LY6G6C: variants seen among roughly 807,000 people sequenced by gnomAD.
LY6G6C encodes lymphocyte antigen 6 family member G6C.
A neutral mutation model predicts 12.8 loss-of-function variants in LY6G6C; 12 were observed. The observed-to-expected ratio is 0.94, with a 90% CI of 0.60 to 1.52. The LOEUF is 1.52. LY6G6C is among the 40% of genes most tolerant of loss of function. LY6G6C has a pLI of 0.00. For missense variants in LY6G6C, 125 were observed against 155.8 expected (o/e 0.80, Z 1.05); for synonymous variants, 42 against 61.6 (o/e 0.68, Z 1.49).
Position 31,718,850 on chromosome 6 carries a change from A to G in LY6G6C, c.*246T>C. Reference sequence around the variant, plus strand: ...CAAGTAGGGGACAGCAGAGTATAGGAAGCAAAGTGGGGAGCCCTTCTAGGA... The same window carrying G: ...CAAGTAGGGGACAGCAGAGTATAGGGAGCAAAGTGGGGAGCCCTTCTAGGA... On this transcript the variant is annotated 3_prime_UTR_variant, in exon 3 of 3. Transcript: ENST00000375819. 1.7e-6 allele frequency: 1 copy of G among 571,518 alleles called. No homozygotes were observed. The highest frequency in any genetic ancestry group is 4.6e-4 in the Middle Eastern group (1 of 2,170). 35.4% of individuals were successfully genotyped at this position (571,518 alleles called of 1,614,324 possible).
rs151314696 is a variant in LY6G6C, at chr6:31,719,303, C to T, written c.171G>A (p.Met57Ile). The T allele has an allele frequency of 2.8e-4, 459 of 1,614,166 alleles. 1 individual carries two copies. Among genetic ancestry groups the T allele is most frequent in the Admixed American group, 8.8e-4 (53 of 60,028 alleles). Residue 57 changes from methionine (M) to isoleucine (I), a missense_variant, in exon 3 of 3, where the codon ATG (methionine) becomes ATA (isoleucine). Met to Ile is a conservative substitution (Grantham distance 10). Transcript: ENST00000375819. The stretch of plus-strand genomic sequence containing the variant: ...CACAGCGCAGATTGGAGAAAACCCA[C>T]ATCTTACCTAGGGGTGGGAATGGGC... ...CLTTHAYLGK[M>I]WVFSNLRCGT...
rs572536947 is a variant in LY6G6C, at chr6:31,720,149, C to G, written c.107G>C (p.Arg36Pro). ...TCCTGGCTCCAGGCGGCAGGACTGC[C>G]GGTCCACACAGCCCAGCACAGGGAC... is the stretch of plus-strand genomic sequence containing the variant. ...YKVPVLGCVD[R>P]QSCRLEPGQQ... Residue 36 changes from arginine (R) to proline (P), a missense_variant, in exon 2 of 3, where the codon CGG (arginine) becomes CCG (proline). Coordinates refer to ENST00000375819, the MANE Select transcript of LY6G6C (RefSeq NM_025261.3). This position sits in a 1 kb window ranked among gnomAD's most constrained non-coding sequence, Gnocchi z 4.9. The G allele has an allele frequency of 1.2e-6, 2 of 1,613,040 alleles. No individual in the cohort carries two copies. The highest frequency in any genetic ancestry group is 8.5e-7 in the Non-Finnish European group (1 of 1,179,962).
chr6:31,719,954 A>C, intron 2 of LY6G6C, 139 bp downstream of exon 2: 1 of 617,754 alleles, frequency 1.6e-6, no homozygotes, highest in Non-Finnish European at 2.9e-6. Context: ...GTTGCCTGGC[A>C]CACAACCATC....
At position 31,720,072 on chromosome 6, in the gene LY6G6C, C is replaced by A. The variant is rs1201045982; in HGVS notation, c.163+21G>T. The A allele has an allele frequency of 1.3e-6, 2 of 1,577,740 alleles. No homozygotes were observed. Among genetic ancestry groups the A allele is most frequent in the Non-Finnish European group, 1.7e-6 (2 of 1,148,486 alleles). On this transcript the variant is annotated intron_variant, in intron 2 of 2. Coordinates refer to ENST00000375819, the MANE Select transcript of LY6G6C (RefSeq NM_025261.3). The surrounding 1 kb of genome is among the most constrained non-coding windows in gnomAD (Gnocchi z 4.9). ...GAGGCTCCCACCTCCCTGTTCACCCCACTAAGGAAGGGGATGTTACCAAGG... is the reference window on the plus strand; with the variant it reads ...GAGGCTCCCACCTCCCTGTTCACCCAACTAAGGAAGGGGATGTTACCAAGG...
Position 31,720,239 on chromosome 6 carries a change from C to G in LY6G6C, c.53-36G>C. 1 of 1,478,728 alleles carries G rather than the reference C, an allele frequency of 6.8e-7. No homozygotes were observed. Among genetic ancestry groups the G allele is most frequent in the African/African-American group, 1.4e-5 (1 of 72,406 alleles). 91.6% of individuals were successfully genotyped at this position (1,478,728 alleles called of 1,614,324 possible). A position where few individuals can be genotyped will look rare whatever the true frequency, so the allele number is the denominator to read the frequency against. Reference sequence around the variant, plus strand: ...ACAAGTCAGGCTGAGGTGATGGGGTCTCTGACTTACCTGGGGATAAGCTGA... The same window carrying G: ...ACAAGTCAGGCTGAGGTGATGGGGTGTCTGACTTACCTGGGGATAAGCTGA... On this transcript the variant is annotated intron_variant, in intron 1 of 2. Coordinates refer to ENST00000375819, the MANE Select transcript of LY6G6C (RefSeq NM_025261.3). This position sits in a 1 kb window ranked among gnomAD's most constrained non-coding sequence, Gnocchi z 4.9.
intron 1 of LY6G6C, 62 bp downstream of exon 1, chr6:31,721,566 T>G: frequency 6.6e-7 from 1 of 1,510,062 alleles, no homozygotes. Flanking sequence ...GGGAAGTGGG[T>G]AGAGCAGGGT....
intron 1 of LY6G6C, chr6:31,721,063 T>A (rs1806748368): frequency 6.6e-6 from 1 of 152,636 alleles, no homozygotes; most frequent in African/African-American, 2.4e-5. Flanking sequence ...ACTGCAACCA[T>A]CTAGAAAGTT....
Position 31,721,652 on chromosome 6 carries a change from A to T in LY6G6C, c.28T>A (p.Ser10Thr). 6.2e-7 allele frequency: 1 copy of T among 1,614,058 alleles called. No individual in the cohort carries two copies. The highest frequency in any genetic ancestry group is 1.1e-5 in the South Asian group (1 of 91,072). The change falls in exon 1 of 3, where the codon TCT becomes ACT. Residue 10 changes from serine (S) to threonine (T), a missense_variant. Transcript: ENST00000375819. ...CCTGAGACCCAGCAGAGCAGAACAG[A>T]CAGGGTGAGCAGCATAAGGGCTTTC... MKALMLLTLSVLLCWVSADI... is the reference protein window; with the variant it reads MKALMLLTLTVLLCWVSADI...
rs577896491 is a variant in LY6G6C at position 31,719,264 on chromosome 6, C to G, written c.210G>C (p.Glu70Asp). The G allele has an allele frequency of 1.3e-5, 21 of 1,614,144 alleles. No homozygotes were observed. The highest frequency in any genetic ancestry group is 2.2e-5 in the East Asian group (1 of 44,880). The change falls in exon 3 of 3, where the codon GAG becomes GAC. Residue 70 changes from glutamate (E) to aspartate (D), a missense_variant. Glu to Asp is a conservative substitution (Grantham distance 45). Transcript: ENST00000375819. ...TTTGGTTGAAGGCCTCCTGACAGGG[C>G]TCTTCTGGTGTGCCACAGCGCAGAT... Reference protein sequence around the residue: ...FSNLRCGTPEEPCQEAFNQTN... With the variant: ...FSNLRCGTPEDPCQEAFNQTN...
In LY6G6C at chr6:31,720,686, C is replaced by T. The variant is rs952019637; in HGVS notation, c.53-483G>A. Among the ~76,000 whole-genome samples the T allele has an allele frequency of 2.0e-5, 3 of 152,162 alleles. No homozygotes were observed. The highest frequency in any genetic ancestry group is 4.4e-5 in the Non-Finnish European group (3 of 68,028). Reference sequence around the variant, plus strand: ...ATCTGTGGCCAGCTTTAGCAATTTACAATTTACTCTTCACCTCCTGGAGCT... The same window carrying T: ...ATCTGTGGCCAGCTTTAGCAATTTATAATTTACTCTTCACCTCCTGGAGCT... On this transcript the variant is annotated intron_variant, in intron 1 of 2. Transcript: ENST00000375819. The surrounding 1 kb of genome is among the most constrained non-coding windows in gnomAD (Gnocchi z 4.9).
intron 1 of LY6G6C, 38 bp downstream of exon 1, chr6:31,721,590 C>T: frequency 2.5e-6 from 4 of 1,606,346 alleles, no homozygotes; most frequent in Non-Finnish European, 3.4e-6. Flanking sequence ...AAGGTCCTGA[C>T]CAGGCAAACC....
chr6:31,721,043 C>G (rs979184947), intron 1 of LY6G6C: 1 of 152,468 alleles, frequency 6.6e-6, no homozygotes, highest in Admixed American at 6.5e-5. Flanking sequence ...CATGGAGGCT[C>G]TTAGATGTCA....
Position 31,720,093 on chromosome 6 carries a change from C to G in LY6G6C, c.163G>C (p.Gly55Arg). The change falls in exon 2 of 3, where the codon GGT (glycine) becomes CGT (arginine). Residue 55 changes from glycine (G) to arginine (R), a missense_variant and splice_region_variant. By Grantham distance (125) the Gly-to-Arg change is moderately radical. Transcript: ENST00000375819. This position sits in a 1 kb window ranked among gnomAD's most constrained non-coding sequence, Gnocchi z 4.9. ...QQCLTTHAYL[G>R]KMWVFSNLRC... ...ACCCCACTAAGGAAGGGGATGTTACCAAGGTATGCATGTGTTGTCAGGCAT... is the reference window on the plus strand; with the variant it reads ...ACCCCACTAAGGAAGGGGATGTTACGAAGGTATGCATGTGTTGTCAGGCAT... The G allele has an allele frequency of 6.2e-7, 1 of 1,610,540 alleles. No homozygotes were observed. The highest frequency in any genetic ancestry group is 8.5e-7 in the Non-Finnish European group (1 of 1,177,904).
chr6:31,719,399 T>C (rs915310686), intron 2 of LY6G6C, 89 bp from the exon 3 acceptor site: 14 of 1,104,174 alleles, frequency 1.3e-5, no homozygotes, highest in Non-Finnish European at 1.8e-5. Flanking sequence ...CACCTAGGCT[T>C]CCTTCCTTCC....
At chr6:31,721,358 G>C (rs1806771206) in intron 1 of LY6G6C, among the ~76,000 whole-genome samples, 1 of 152,150 alleles carries the variant, frequency 6.6e-6, no homozygotes, top group Non-Finnish European at 1.5e-5. Context: ...AGACACCTTG[G>C]AGTGGGGAAC....
Position 31,720,123 on chromosome 6 carries a change from G to A in LY6G6C, c.133C>T (p.Gln45Ter), listed in dbSNP as rs770062781. ...DRQSCRLEPG[Q>*]QCLTTHAYLG... ...TATGCATGTGTTGTCAGGCATTGCT[G>A]TCCTGGCTCCAGGCGGCAGGACTGC... Residue 45 changes from glutamine (Q) to a stop codon, truncating the protein, a stop_gained, in exon 2 of 3, where the codon CAG becomes TAG. Transcript: ENST00000375819. LOFTEE classifies it high-confidence loss of function. This position sits in a 1 kb window ranked among gnomAD's most constrained non-coding sequence, Gnocchi z 4.9. The A allele has an allele frequency of 6.2e-7, 1 of 1,612,986 alleles. No homozygotes were observed. The highest frequency in any genetic ancestry group is 8.5e-7 in the Non-Finnish European group (1 of 1,179,900).
intron 2 of LY6G6C, 51 bp from the exon 3 acceptor site, chr6:31,719,361 C>A (rs750196273): frequency 6.6e-7 from 1 of 1,510,710 alleles, no homozygotes; most frequent in African/African-American, 1.4e-5. Flanking sequence ...CCTGGCATGC[C>A]TGTGTCCACC....
Position 31,719,086 on chromosome 6 carries a change from G to T in LY6G6C, c.*10C>A. On this transcript the variant is annotated 3_prime_UTR_variant, in exon 3 of 3. Coordinates refer to ENST00000375819, the MANE Select transcript of LY6G6C (RefSeq NM_025261.3). ...GCAGGTGGGAGGAGGGGCAGCCAAT[G>T]GAATGAGTCTCAGTGCAGCAGCCAG... The T allele has an allele frequency of 6.2e-7, 1 of 1,608,956 alleles. No individual in the cohort carries two copies.
In LY6G6C at chr6:31,720,113, A is replaced by G. The variant is rs1405336737; in HGVS notation, c.143T>C (p.Leu48Pro). The G allele has an allele frequency of 1.2e-6, 2 of 1,612,794 alleles. No homozygotes were observed. Among genetic ancestry groups the G allele is most frequent in the Middle Eastern group, 1.7e-4 (1 of 6,060 alleles). The change falls in exon 2 of 3, where the codon CTG becomes CCG. Residue 48 changes from leucine to proline, a missense_variant. Transcript: ENST00000375819. This position sits in a 1 kb window ranked among gnomAD's most constrained non-coding sequence, Gnocchi z 4.9. ...SCRLEPGQQC[L>P]TTHAYLGKMW... ...GTTACCAAGGTATGCATGTGTTGTCAGGCATTGCTGTCCTGGCTCCAGGCG... is the reference window on the plus strand; with the variant it reads ...GTTACCAAGGTATGCATGTGTTGTCGGGCATTGCTGTCCTGGCTCCAGGCG...
Sources: gnomAD v4.1 joint callset for allele counts (sites outside exome capture counted in the v4.1 genomes callset) on GRCh38, gnomAD v4.1.1 for gene constraint, Gnocchi (gnomAD v3.1) non-coding constraint, MANE v1.5 for transcripts, NCBI Gene and HGNC (gene_info 2026-07-23, HGNC 2026-07-21) for gene names.